Variants in EP400 observed in about 807,000 individuals in gnomAD.
EP400 encodes the protein E1A-binding protein p400.
EP400 carries 105 observed loss-of-function variants against 354.1 expected under a neutral mutation model. That is an observed-to-expected ratio of 0.30 (90% CI 0.25 to 0.35). EP400 has a LOEUF of 0.35. Among genes scored for constraint, EP400 ranks in the 10% least tolerant of loss-of-function variants. The pLI is 1.00. For synonymous variants in EP400, 1,646 were observed against 1,716.9 expected, an observed-to-expected ratio of 0.96 and a Z score of 1.02; for missense variants, 3,280 against 4,121.0, an observed-to-expected ratio of 0.80 and a Z score of 5.59.
chr12:132,027,587 T>C lies in EP400; in HGVS notation c.5109+56T>C. ...CGTGGACAGGTAGCTTTCCAAGAGC[T>C]GCTCGTTGTGTTTGGTTGTGATATT... On this transcript the variant is annotated intron_variant, in intron 26 of 52. Transcript: ENST00000389561. This position sits in a 1 kb window ranked among gnomAD's most constrained non-coding sequence, Gnocchi z 4.9. The C allele has an allele frequency of 7.0e-7, 1 of 1,423,350 alleles. No individual in the cohort carries two copies. Among genetic ancestry groups the C allele is most frequent in the African/African-American group, 1.4e-5 (1 of 70,364 alleles). 88.2% of individuals were successfully genotyped at this position (1,423,350 alleles called of 1,614,324 possible).
In EP400 at chr12:132,018,181, A is replaced by G. The variant is rs1229329993; in HGVS notation, c.4111-29A>G. 4 of 1,606,314 alleles carry G rather than the reference A, an allele frequency of 2.5e-6. No individual in the cohort carries two copies. The highest frequency in any genetic ancestry group is 1.7e-5 in the Admixed American group (1 of 57,472). ...AGGTGCTTTTTTTGCCTCTTCATGC[A>G]GCAAGACTTTTTTTCTTTTTCTCTC... On this transcript the variant is annotated intron_variant, in intron 20 of 52. Transcript: ENST00000389561. This position sits in a 1 kb window ranked among gnomAD's most constrained non-coding sequence, Gnocchi z 4.0.
At chr12:132,020,976 C>T (rs369989376) in intron 22 of EP400, 103 bp from the exon 23 acceptor site, 45 of 1,384,186 alleles carry the variant, frequency 3.3e-5, no homozygotes, top group African/African-American at 1.2e-4. Context: ...ATTTGAGAGA[C>T]GGTGTGAAAT....
chr12:131,968,728 A>C (rs1320117840), intron 2 of EP400, among the ~76,000 whole-genome samples: 3 of 152,134 alleles, frequency 2.0e-5, no homozygotes. Context: ...CATTTATTTC[A>C]GTATTCTTTG....
At chr12:132,064,026 C>CG (rs1388355171) in intron 47 of EP400, among the ~76,000 whole-genome samples, 1 of 83,618 alleles carries the variant, frequency 1.2e-5, no homozygotes, top group Non-Finnish European at 2.0e-5. Flanking sequence ...CACTGATGAC[C>CG]CCCCCCCGGC....
At chr12:132,056,115 A>C (rs551264154) in intron 45 of EP400, among the ~76,000 whole-genome samples, 1 of 152,076 alleles carries the variant, frequency 6.6e-6, no homozygotes, top group East Asian at 1.9e-4. Flanking sequence ...CCCTGGGACC[A>C]CCTGCTTCTC....
rs186621591 is a variant in EP400 at position 132,029,311 on chromosome 12, G to A, written c.5382-390G>A. The A allele has an allele frequency of 7.5e-5, 16 of 213,784 alleles. No homozygotes were observed. The East Asian group carries it at 1.2e-3, about 16-fold the overall frequency. The allele number at this position is 213,784 out of a possible 1,614,324, so 13.2% of individuals were successfully genotyped here. A position where few individuals can be genotyped will look rare whatever the true frequency, so the allele number is the denominator to read the frequency against. On this transcript the variant is annotated intron_variant, in intron 27 of 52. Coordinates refer to ENST00000389561, the MANE Select transcript of EP400 (RefSeq NM_015409.5). The surrounding 1 kb of genome is among the most constrained non-coding windows in gnomAD (Gnocchi z 4.7). ...CTCCTTCACCCTGAGTCTGGCCCCCGTCCTGGTGGCACAGTGGCTATAGCA... is the reference window on the plus strand; with the variant it reads ...CTCCTTCACCCTGAGTCTGGCCCCCATCCTGGTGGCACAGTGGCTATAGCA...
rs563645109 is a variant in EP400, at chr12:131,982,986, T to A, written c.1929+508T>A. On this transcript the variant is annotated intron_variant, in intron 5 of 52. Coordinates refer to ENST00000389561, the MANE Select transcript of EP400 (RefSeq NM_015409.5). ...CTCTGTCTCAAAAAAAAAAAAAAAA[T>A]AATAATAATAATAGACAACTGTTAT... 2.6e-3 allele frequency among the ~76,000 whole-genome samples: 355 copies of A among 135,342 alleles called. 1 individual carries two copies. The highest frequency in any genetic ancestry group is 8.8e-3 in the East Asian group (44 of 4,982). 88.8% of individuals were successfully genotyped at this position (135,342 alleles called of 152,430 possible).
intron 1 of EP400, among the ~76,000 whole-genome samples, chr12:131,956,090 C>G (rs921872237): frequency 2.0e-5 from 3 of 152,168 alleles, no homozygotes; most frequent in Non-Finnish European, 4.4e-5. Flanking sequence ...AGGTTCTGTT[C>G]TAGTCTCTGT....
In EP400 at chr12:132,050,774, C is replaced by T. The variant is rs142311921; in HGVS notation, c.7394+119C>T. On this transcript the variant is annotated intron_variant, in intron 41 of 52. Transcript: ENST00000389561. This position sits in a 1 kb window ranked among gnomAD's most constrained non-coding sequence, Gnocchi z 4.8. ...TTAGCGTGTTCAGGCATCAGCTGGA[C>T]GTGGCAGTGCGCAGAACCTGCAGGA... 914 of 1,253,526 alleles carry T rather than the reference C, an allele frequency of 7.3e-4. 1 individual carries two copies. The highest frequency in any genetic ancestry group is 5.8e-4 in the Non-Finnish European group (501 of 865,934). 77.7% of individuals were successfully genotyped at this position (1,253,526 alleles called of 1,614,324 possible).
chr12:132,063,977 A>G (rs996102191), intron 47 of EP400, among the ~76,000 whole-genome samples: 6 of 146,966 alleles, frequency 4.1e-5, no homozygotes, highest in African/African-American at 1.5e-4. Flanking sequence ...CCCCCGGCCC[A>G]CAGCCACACA....
chr12:131,967,877 G>A (rs1337872336), intron 2 of EP400, among the ~76,000 whole-genome samples: 1 of 152,032 alleles, frequency 6.6e-6, no homozygotes, highest in African/African-American at 2.4e-5. Context: ...TGTCTCTGAA[G>A]ACTAATAAAG....
intron 51 of EP400, among the ~76,000 whole-genome samples, chr12:132,074,295 C>T (rs540409615): frequency 3.9e-5 from 6 of 152,298 alleles, no homozygotes; most frequent in South Asian, 4.1e-4. Flanking sequence ...GAAGAGGAGC[C>T]GGTGTCTGTC....
At chr12:131,965,560 C>A (rs1892046363) in intron 2 of EP400, among the ~76,000 whole-genome samples, 1 of 152,142 alleles carries the variant, frequency 6.6e-6, no homozygotes, top group African/African-American at 2.4e-5. Context: ...TTTGACGAAT[C>A]CATTGAGTTG....
chr12:131,984,915 C>G (rs934529113), intron 5 of EP400, among the ~76,000 whole-genome samples: 1 of 151,870 alleles, frequency 6.6e-6, no homozygotes, highest in Non-Finnish European at 1.5e-5. Flanking sequence ...ATTTAGCTCT[C>G]TAAATAACTT....
chr12:132,027,570 G>A lies in EP400; in HGVS notation c.5109+39G>A, dbSNP rs1270840984. 1.3e-6 allele frequency: 2 copies of A among 1,537,922 alleles called. No individual in the cohort carries two copies. On this transcript the variant is annotated intron_variant, in intron 26 of 52. Coordinates refer to ENST00000389561, the MANE Select transcript of EP400 (RefSeq NM_015409.5). The surrounding 1 kb of genome is among the most constrained non-coding windows in gnomAD (Gnocchi z 4.9). Reference sequence around the variant, plus strand: ...CTTGAGACCCCGGTGCACGTGGACAGGTAGCTTTCCAAGAGCTGCTCGTTG... The same window carrying A: ...CTTGAGACCCCGGTGCACGTGGACAAGTAGCTTTCCAAGAGCTGCTCGTTG...
At chr12:131,952,756 T>C (rs545057743) in intron 1 of EP400, among the ~76,000 whole-genome samples, 1 of 152,320 alleles carries the variant, frequency 6.6e-6, no homozygotes, top group East Asian at 1.9e-4. Flanking sequence ...CCAGCCTGTT[T>C]CTTTTTATTG....
chr12:132,043,749 T>C, intron 34 of EP400, 21 bp downstream of exon 34: 1 of 1,581,214 alleles, frequency 6.3e-7, no homozygotes, highest in South Asian at 1.2e-5. Flanking sequence ...CAACTTTTGG[T>C]CAGTGAAAAA....
chr12:131,995,202 G>A (rs534137525), intron 12 of EP400, among the ~76,000 whole-genome samples: 5 of 152,274 alleles, frequency 3.3e-5, no homozygotes, highest in African/African-American at 7.2e-5. Context: ...TGAATGTACC[G>A]TTCATCTTGA....
intron 14 of EP400, 84 bp downstream of exon 14, chr12:132,006,386 C>A: frequency 6.8e-7 from 1 of 1,465,222 alleles, no homozygotes. Context: ...TTTTCCTCTT[C>A]CCAGTGAAAT....
Sources: allele counts gnomAD v4.1 joint callset (sites outside exome capture counted in the v4.1 genomes callset), GRCh38; gene constraint gnomAD v4.1.1; non-coding constraint Gnocchi (gnomAD v3.1); transcripts MANE v1.5; gene names NCBI Gene and HGNC (gene_info 2026-07-23, HGNC 2026-07-21).